Variants in NRP2 observed in about 807,000 individuals in gnomAD.
The protein encoded by NRP2 is neuropilin 2.
NRP2 carries 52 observed loss-of-function variants against 110.4 expected under a neutral mutation model. That is an observed-to-expected ratio of 0.47 (90% confidence interval 0.38 to 0.59). The LOEUF (loss-of-function observed/expected upper bound fraction) is 0.59. Among genes scored for constraint, NRP2 ranks in the 20% least tolerant of loss-of-function variants. The probability of loss-of-function intolerance (pLI) is 0.00; values close to 1 mark genes in which losing one functional copy is unlikely to be tolerated. For synonymous variants in NRP2, 508 were observed against 468.9 expected, an observed-to-expected ratio of 1.08 and a Z score of -1.08; for missense variants, 1,049 against 1,203.0, an observed-to-expected ratio of 0.87 and a Z score of 1.89.
chr2:205,791,200 C>T lies in NRP2; in HGVS notation c.2426-1035C>T, dbSNP rs138982901. Among the ~76,000 whole-genome samples, 1,437 of 152,088 alleles carry T rather than the reference C, an allele frequency of 9.4e-3. 10 individuals are homozygous for T. The highest frequency in any genetic ancestry group is 0.027 in the Middle Eastern group (8 of 294). ...TCTCCCTCTTGTCTGATACTTCAGCCGTTTGGGATTTTGATTTTCTTTTAA... is the reference window on the plus strand; with the variant it reads ...TCTCCCTCTTGTCTGATACTTCAGCTGTTTGGGATTTTGATTTTCTTTTAA... On this transcript the variant is annotated intron_variant, in intron 15 of 16. Transcript: ENST00000357785.
chr2:205,692,647 G>T (rs1397805886), intron 1 of NRP2, among the ~76,000 whole-genome samples: 1 of 152,174 alleles, frequency 6.6e-6, no homozygotes, highest in South Asian at 2.1e-4. Flanking sequence ...GACCTGATGT[G>T]ATTAAAGGAG....
chr2:205,761,428 C>T (rs1349729815), intron 12 of NRP2: 1 of 152,186 alleles, frequency 6.6e-6, no homozygotes, highest in East Asian at 1.9e-4. Flanking sequence ...GAGTGATTAC[C>T]TGCTGAAATC....
chr2:205,787,698 G>T (rs1325952094), intron 15 of NRP2, among the ~76,000 whole-genome samples: 1 of 134,188 alleles, frequency 7.5e-6, no homozygotes, highest in Non-Finnish European at 1.6e-5. Flanking sequence ...GAGGGAGAGA[G>T]GAAAGATAAA....
At chr2:205,724,346 A>T (rs914108776) in intron 5 of NRP2, among the ~76,000 whole-genome samples, 1 of 152,194 alleles carries the variant, frequency 6.6e-6, no homozygotes, top group African/African-American at 2.4e-5. Flanking sequence ...CAATTGTCAC[A>T]AAAGTGAACC....
intron 15 of NRP2, among the ~76,000 whole-genome samples, chr2:205,782,783 C>G (rs1332467961): frequency 6.6e-6 from 1 of 151,958 alleles, no homozygotes; most frequent in Admixed American, 6.6e-5. Context: ...TGCAGCATAG[C>G]ATTCCATATT....
At chr2:205,771,228 A>G (rs1157239214) in intron 15 of NRP2, among the ~76,000 whole-genome samples, 2 of 152,180 alleles carry the variant, frequency 1.3e-5, no homozygotes, top group African/African-American at 2.4e-5. Flanking sequence ...CTCCCGCCAC[A>G]CCATGCTCAT....
At chr2:205,751,886 C>G (rs1001302444) in intron 11 of NRP2, among the ~76,000 whole-genome samples, 2 of 152,186 alleles carry the variant, frequency 1.3e-5, no homozygotes, top group Non-Finnish European at 2.9e-5. Flanking sequence ...GCACTGCCGG[C>G]AAACAACCAA....
intron 7 of NRP2, among the ~76,000 whole-genome samples, chr2:205,734,091 A>G (rs2057295275): frequency 6.6e-6 from 1 of 152,140 alleles, no homozygotes; most frequent in African/African-American, 2.4e-5. Flanking sequence ...AGGTCATCAG[A>G]GTCCTAAATG....
chr2:205,747,863 G>T (rs1187685889), intron 10 of NRP2, among the ~76,000 whole-genome samples: 16 of 152,072 alleles, frequency 1.1e-4, no homozygotes, highest in Admixed American at 1.0e-3. Context: ...ACTGGTGATG[G>T]TCAGTGACAG....
In NRP2 at chr2:205,794,852, C is replaced by T; in HGVS notation, c.2575C>T (p.Pro859Ser). 1 of 1,614,206 alleles carries T rather than the reference C, an allele frequency of 6.2e-7. No homozygotes were observed. The highest frequency in any genetic ancestry group is 8.5e-7 in the Non-Finnish European group (1 of 1,180,046). The change falls in exon 17 of 17, where the codon CCC becomes TCC. Residue 859 changes from proline to serine, a missense_variant. Pro to Ser is a moderately conservative substitution (Grantham distance 74). Transcript: ENST00000357785. ...AAAGAGCTGGCTGTACACCCTGGAT[C>T]CCATCCTCATCACCATCATCGCCAT... ...KEKSWLYTLD[P>S]ILITIIAMSS...
At chr2:205,786,313 G>A (rs184728083) in intron 15 of NRP2, among the ~76,000 whole-genome samples, 1 of 152,188 alleles carries the variant, frequency 6.6e-6, no homozygotes, top group African/African-American at 2.4e-5. Flanking sequence ...TTTCCTGCTG[G>A]GATTAAAAGA....
At chr2:205,705,556 T>C (rs972472054) in intron 2 of NRP2, among the ~76,000 whole-genome samples, 1 of 152,228 alleles carries the variant, frequency 6.6e-6, no homozygotes. Context: ...GACTCAACTG[T>C]ATGTTTGTGG....
At chr2:205,740,484 G>A (rs1262037722) in intron 7 of NRP2, 35 bp from the exon 8 acceptor site, 4 of 1,613,550 alleles carry the variant, frequency 2.5e-6, no homozygotes, top group Middle Eastern at 1.6e-4. Flanking sequence ...ACAAACAGGG[G>A]TTTCAATAAC....
At chr2:205,694,026 CTTAAAAA>C (rs2056370135) in intron 1 of NRP2, among the ~76,000 whole-genome samples, 1 of 152,184 alleles carries the variant, frequency 6.6e-6, no homozygotes, top group African/African-American at 2.4e-5. Flanking sequence ...CTTAATACTT[CTTAAAAA>C]TTAAATATTC....
At chr2:205,780,471 G>C (rs2105956453) in intron 15 of NRP2, among the ~76,000 whole-genome samples, 1 of 152,244 alleles carries the variant, frequency 6.6e-6, no homozygotes, top group Admixed American at 6.5e-5. Context: ...TATCAGAAGG[G>C]AACTGGGTTG....
At chr2:205,761,137 G>A (rs2057814933) in intron 12 of NRP2, among the ~76,000 whole-genome samples, 2 of 151,972 alleles carry the variant, frequency 1.3e-5, no homozygotes, top group Admixed American at 6.6e-5. Context: ...AATTGTGAAG[G>A]GATTATATCT....
At chr2:205,700,187 C>T (rs2056522975) in intron 2 of NRP2, among the ~76,000 whole-genome samples, 1 of 152,140 alleles carries the variant, frequency 6.6e-6, no homozygotes, top group South Asian at 2.1e-4. Flanking sequence ...TCCGGCTCTC[C>T]CTCTCTCTTC....
chr2:205,740,642 C>G lies in NRP2; in HGVS notation c.1270C>G (p.Leu424Val). The change falls in exon 8 of 17, where the codon CTC becomes GTC. Residue 424 changes from leucine (L) to valine (V), a missense_variant. By Grantham distance (32) the Leu-to-Val change is conservative. Coordinates refer to ENST00000357785, the MANE Select transcript of NRP2 (RefSeq NM_003872.3). ...CTCAGGTATCGCCCTCCGGCTGGAG[C>G]TCTTCGGCTGCCGGGTCACAGGTGA... ...WHSGIALRLE[L>V]FGCRVTDAPC... 1.9e-6 allele frequency: 3 copies of G among 1,614,160 alleles called. No homozygotes were observed. The highest frequency in any genetic ancestry group is 1.7e-6 in the Non-Finnish European group (2 of 1,180,012).
intron 2 of NRP2, among the ~76,000 whole-genome samples, chr2:205,706,512 C>T (rs1397385674): frequency 1.3e-5 from 2 of 152,112 alleles, no homozygotes; most frequent in African/African-American, 4.8e-5. Context: ...CCCGACCCCC[C>T]TCTCCCATTA....
Sources: gnomAD v4.1 joint callset for allele counts (sites outside exome capture counted in the v4.1 genomes callset) on GRCh38, gnomAD v4.1.1 for gene constraint, MANE v1.5 for transcripts, NCBI Gene and HGNC (gene_info 2026-07-23, HGNC 2026-07-21) for gene names.